The following ABCA13 variants were observed in gnomAD, a reference collection of about 807,000 sequenced individuals.
The protein encoded by ABCA13 is ATP binding cassette subfamily A member 13.
In ABCA13, 476 loss-of-function variants were observed where a neutral mutation model predicts 478.7. The observed-to-expected ratio is 0.99, with a 90% CI of 0.92 to 1.07. The LOEUF is 1.07. Among genes scored for constraint, ABCA13 ranks in the 50% least tolerant of loss-of-function variants. The pLI, the probability that ABCA13 is intolerant of heterozygous loss-of-function variation, is 0.00. For missense variants in ABCA13, 6,060 were observed against 5,910.6 expected (o/e 1.03, Z -0.83); for synonymous variants, 2,252 against 2,158.9 (o/e 1.04, Z -1.20).
chr7:48,537,214 G>A (rs1244304978), intron 55 of ABCA13, among the ~76,000 whole-genome samples: 3 of 151,708 alleles, frequency 2.0e-5, no homozygotes, highest in African/African-American at 7.3e-5. Flanking sequence ...ATCTAGTTTT[G>A]TTGTTTTATT....
At chr7:48,495,376 G>A (rs1312525764) in intron 48 of ABCA13, among the ~76,000 whole-genome samples, 2 of 151,980 alleles carry the variant, frequency 1.3e-5, no homozygotes, top group Non-Finnish European at 2.9e-5. Context: ...CTGATTTCTG[G>A]TTTGGTTCAT....
rs1041365691 is a variant in ABCA13 at position 48,615,343 on chromosome 7, A to G, written c.14803A>G (p.Lys4935Glu). The change falls in exon 59 of 62, where the codon AAA becomes GAA. Residue 4935 changes from lysine (K) to glutamate (E), a missense_variant. By Grantham distance (56) the Lys-to-Glu change is moderately conservative. Around this residue, in one of 3 missense-constraint regions of ABCA13, gnomAD observed 1,627 missense variants for 1,571.0 expected, o/e 1.04. Coordinates refer to ENST00000435803, the MANE Select transcript of ABCA13 (RefSeq NM_152701.5). ...GGCCATAATGGTTAACGGCAGCTTC[A>G]AATGTCTTGGTTCTCCTCAGCACAT... is the stretch of plus-strand genomic sequence containing the variant. ...RLAIMVNGSF[K>E]CLGSPQHIKN... is the part of the protein sequence containing the mutation. 2.5e-6 allele frequency: 4 copies of G among 1,578,082 alleles called. No homozygotes were observed. The highest frequency in any genetic ancestry group is 3.4e-6 in the Non-Finnish European group (4 of 1,160,450).
At chr7:48,554,137 G>T (rs1466974145) in intron 55 of ABCA13, among the ~76,000 whole-genome samples, 2 of 151,842 alleles carry the variant, frequency 1.3e-5, no homozygotes, top group Non-Finnish European at 2.9e-5. Flanking sequence ...TTTCCTATGG[G>T]TGTATGGATT....
At chr7:48,243,623 G>A (rs1051638515) in intron 10 of ABCA13, among the ~76,000 whole-genome samples, 12 of 152,172 alleles carry the variant, frequency 7.9e-5, no homozygotes, top group African/African-American at 1.9e-4. Flanking sequence ...TACCCTTTAC[G>A]GTGCTTGGGT....
chr7:48,216,563 G>T (rs952711834), intron 3 of ABCA13, among the ~76,000 whole-genome samples: 1 of 151,974 alleles, frequency 6.6e-6, no homozygotes, highest in Non-Finnish European at 1.5e-5. Context: ...CTTTATGATT[G>T]TGTTTTTGAA....
rs371932258 is a variant in ABCA13 at position 48,240,749 on chromosome 7, C to CA, written c.1063-112dup. On this transcript the variant is annotated intron_variant, in intron 9 of 61. Coordinates refer to ENST00000435803, the MANE Select transcript of ABCA13 (RefSeq NM_152701.5). ...ATTGCTAACAGACATTTTAATTTAC[C>CA]AAAAAATAAAGATTGGCTGTCTGTC... 80 of 814,998 alleles carry CA rather than the reference C, an allele frequency of 9.8e-5. No individual in the cohort carries two copies. The African/African-American group carries it at 1.3e-3, about 13-fold the overall frequency. 50.5% of individuals were successfully genotyped at this position (814,998 alleles called of 1,614,324 possible). A position where few individuals can be genotyped will look rare whatever the true frequency, so the allele number is the denominator to read the frequency against.
At chr7:48,549,938 G>A (rs2131185539) in intron 55 of ABCA13, among the ~76,000 whole-genome samples, 1 of 151,980 alleles carries the variant, frequency 6.6e-6, no homozygotes, top group Middle Eastern at 3.4e-3. Flanking sequence ...ATTTGTTTAA[G>A]TTCCTTGAAA....
chr7:48,441,698 G>C (rs1488689371), intron 42 of ABCA13, among the ~76,000 whole-genome samples: 1 of 152,016 alleles, frequency 6.6e-6, no homozygotes, highest in African/African-American at 2.4e-5. Flanking sequence ...CACTATGATA[G>C]GCACTTTACA....
At position 48,374,365 on chromosome 7, in the gene ABCA13, G is replaced by A. The variant is rs777083484; in HGVS notation, c.11152G>A (p.Ala3718Thr). ...QTFLCLLSTT[A>T]FGQGVFFITF... ...TGGGCAGTGCCTTCTTTCGACAACC[G>A]CCTTTGGACAAGGGGTATTTTTTAT... Residue 3718 changes from alanine (A) to threonine (T), a missense_variant, in exon 34 of 62, where the codon GCC becomes ACC. Physicochemically the swap from Ala to Thr is moderately conservative, Grantham distance 58 (BLOSUM62 0). Transcript: ENST00000435803. 1.2e-5 allele frequency: 20 copies of A among 1,609,802 alleles called. No homozygotes were observed. The South Asian group carries it at 1.4e-4, about 12-fold the overall frequency.
chr7:48,266,402 G>C (rs1187985090), intron 15 of ABCA13, among the ~76,000 whole-genome samples: 2 of 151,300 alleles, frequency 1.3e-5, no homozygotes, highest in African/African-American at 4.8e-5. Context: ...AGGCTTTTAG[G>C]GTTTTTTATT....
intron 57 of ABCA13, among the ~76,000 whole-genome samples, chr7:48,592,048 T>G (rs1352312660): frequency 6.6e-6 from 1 of 151,882 alleles, no homozygotes; most frequent in Middle Eastern, 3.2e-3. Context: ...AGATTTGAAG[T>G]TTTTAGCTTT....
chr7:48,259,242 A>G (rs1242354799), intron 15 of ABCA13, among the ~76,000 whole-genome samples: 1 of 152,056 alleles, frequency 6.6e-6, no homozygotes, highest in Non-Finnish European at 1.5e-5. Context: ...TGTAAGTTTC[A>G]TTGTAGGTCT....
At chr7:48,356,845 C>G (rs944432063) in intron 31 of ABCA13, among the ~76,000 whole-genome samples, 3 of 151,914 alleles carry the variant, frequency 2.0e-5, no homozygotes, top group African/African-American at 7.3e-5. Flanking sequence ...TAAAGGAATT[C>G]AAATGTTAAT....
chr7:48,354,244 G>A lies in ABCA13; in HGVS notation c.10688+1757G>A, dbSNP rs182896082. On this transcript the variant is annotated intron_variant, in intron 31 of 61. Transcript: ENST00000435803. ...TATGATCTCCACCCATGAAAGAGCG[G>A]GGTTGTGCTTACGTGGATGGGAACA... is the stretch of plus-strand genomic sequence containing the variant. 4.1e-3 allele frequency among the ~76,000 whole-genome samples: 619 copies of A among 152,096 alleles called. 15 individuals carry two copies. The highest frequency in any genetic ancestry group is 0.014 in the African/African-American group (572 of 41,384).
At chr7:48,362,786 T>C (rs747856514) in intron 31 of ABCA13, among the ~76,000 whole-genome samples, 12 of 152,116 alleles carry the variant, frequency 7.9e-5, no homozygotes, top group Non-Finnish European at 1.6e-4. Context: ...TATTTTCTCT[T>C]GTCCATCATG....
intron 42 of ABCA13, among the ~76,000 whole-genome samples, chr7:48,430,669 G>A (rs1317059119): frequency 7.2e-5 from 6 of 83,846 alleles, no homozygotes; most frequent in Admixed American, 2.8e-4. Flanking sequence ...GCAAGACTCC[G>A]TCTAAAAAAA....
chr7:48,189,437 T>C (rs1050828657), intron 1 of ABCA13, among the ~76,000 whole-genome samples: 2 of 152,168 alleles, frequency 1.3e-5, no homozygotes, highest in African/African-American at 4.8e-5. Context: ...CAACTTCAAA[T>C]TCAGAACAAT....
At chr7:48,342,506 T>A (rs1807396780) in intron 29 of ABCA13, among the ~76,000 whole-genome samples, 1 of 152,214 alleles carries the variant, frequency 6.6e-6, no homozygotes. Flanking sequence ...CTCCCCCTTC[T>A]TTTACTTCTT....
At chr7:48,482,171 C>T (rs1437948682) in intron 46 of ABCA13, among the ~76,000 whole-genome samples, 2 of 151,578 alleles carry the variant, frequency 1.3e-5, no homozygotes, top group African/African-American at 4.9e-5. Context: ...TAAAGATAAA[C>T]CAGCAAATAG....
Sources: allele counts gnomAD v4.1 joint callset (sites outside exome capture counted in the v4.1 genomes callset), GRCh38; gene constraint gnomAD v4.1.1; regional missense constraint gnomAD v4.1.1; transcripts MANE v1.5; gene names NCBI Gene and HGNC (gene_info 2026-07-23, HGNC 2026-07-21).